The following CHST11 variants were observed in gnomAD, a reference collection of about 807,000 sequenced individuals.
CHST11 encodes C4S-1.
In CHST11, 9 loss-of-function variants were observed where a neutral mutation model predicts 30.4. That is an observed-to-expected ratio of 0.30 (90% CI 0.18 to 0.52). The LOEUF (loss-of-function observed/expected upper bound fraction) is 0.52. Among genes scored for constraint, CHST11 ranks in the 20% least tolerant of loss-of-function variants. The pLI, the probability that CHST11 is intolerant of heterozygous loss-of-function variation, is 0.97. For missense variants in CHST11, 348 were observed against 460.6 expected (o/e 0.76, Z 2.24); for synonymous variants, 152 against 187.8 (o/e 0.81, Z 1.56).
intron 2 of CHST11, among the ~76,000 whole-genome samples, chr12:104,726,166 C>T (rs373642321): frequency 2.0e-5 from 3 of 152,194 alleles, no homozygotes; most frequent in African/African-American, 4.8e-5. Context: ...CTAAGTGTCT[C>T]ATCTAGAATC....
At chr12:104,504,008 A>G (rs2037877906) in intron 1 of CHST11, among the ~76,000 whole-genome samples, 1 of 152,232 alleles carries the variant, frequency 6.6e-6, no homozygotes, top group Admixed American at 6.5e-5. Flanking sequence ...AAAATGCCTC[A>G]AAAGTTGGAC....
chr12:104,520,328 G>A (rs747999631), intron 1 of CHST11, among the ~76,000 whole-genome samples: 13 of 152,134 alleles, frequency 8.5e-5, no homozygotes, highest in Non-Finnish European at 1.8e-4. Flanking sequence ...AAGCCTAAAG[G>A]AATGGACATG....
rs572729941 is a variant in CHST11 at position 104,657,287 on chromosome 12, C to T, written c.204+55296C>T. 2.0e-5 allele frequency among the ~76,000 whole-genome samples: 3 copies of T among 152,368 alleles called. No individual in the cohort carries two copies. The South Asian group carries it at 6.2e-4, about 32-fold the overall frequency. Reference sequence around the variant, plus strand: ...CTTAAAGGTTTTCACATCCTTCACCCTAAATGACCACTTACGCACATTTTA... The same window carrying T: ...CTTAAAGGTTTTCACATCCTTCACCTTAAATGACCACTTACGCACATTTTA... On this transcript the variant is annotated intron_variant, in intron 2 of 2. Transcript: ENST00000303694.
At chr12:104,557,358 G>A (rs371971192) in intron 1 of CHST11, among the ~76,000 whole-genome samples, 155 of 152,298 alleles carry the variant, frequency 1.0e-3, no homozygotes, top group African/African-American at 3.4e-3. Context: ...GTCATGAGGG[G>A]CTTATAGGCC....
chr12:104,474,710 T>C (rs2037541370), intron 1 of CHST11, among the ~76,000 whole-genome samples: 1 of 152,198 alleles, frequency 6.6e-6, no homozygotes, highest in African/African-American at 2.4e-5. Flanking sequence ...GTTCGATCTG[T>C]TATAAAACTC....
At chr12:104,713,965 C>T (rs1184488216) in intron 2 of CHST11, among the ~76,000 whole-genome samples, 1 of 152,194 alleles carries the variant, frequency 6.6e-6, no homozygotes, top group Non-Finnish European at 1.5e-5. Context: ...GTTCTCCAAC[C>T]TGGAAGCAGC....
In CHST11 at chr12:104,504,508, A is replaced by C. The variant is rs550668769; in HGVS notation, c.118+46979A>C. ...TCTGAGGACTCTCTCGGGTCTGGTG[A>C]CTTCAAAGTAAGCTGTAAGTGACAC... On this transcript the variant is annotated intron_variant, in intron 1 of 2. Transcript: ENST00000303694. Among the ~76,000 whole-genome samples the C allele has an allele frequency of 5.3e-5, 8 of 152,248 alleles. 1 individual carries two copies. The highest frequency in any genetic ancestry group is 4.6e-4 in the Admixed American group (7 of 15,294).
intron 2 of CHST11, among the ~76,000 whole-genome samples, chr12:104,615,797 G>A (rs1049148230): frequency 6.6e-6 from 1 of 152,108 alleles, no homozygotes; most frequent in Non-Finnish European, 1.5e-5. Context: ...GCGTGGTGGC[G>A]GGCACCTGCA....
chr12:104,493,708 C>CA (rs1323615546), intron 1 of CHST11, among the ~76,000 whole-genome samples: 2 of 152,228 alleles, frequency 1.3e-5, no homozygotes, highest in African/African-American at 4.8e-5. Context: ...CACGGAAAGA[C>CA]AAGAGAGACT....
rs77086354 is a variant in CHST11 at position 104,686,148 on chromosome 12, G to A, written c.205-70801G>A. Reference sequence around the variant, plus strand: ...CTCAGAAGCCTGAGGCAGGAGAATCGCTGGAGCCCGAGTTTGGAGGCTATA... The same window carrying A: ...CTCAGAAGCCTGAGGCAGGAGAATCACTGGAGCCCGAGTTTGGAGGCTATA... On this transcript the variant is annotated intron_variant, in intron 2 of 2. Coordinates refer to ENST00000303694, the MANE Select transcript of CHST11 (RefSeq NM_018413.6). 2.8e-4 allele frequency among the ~76,000 whole-genome samples: 42 copies of A among 148,550 alleles called. No homozygotes were observed. In the East Asian group the frequency reaches 8.3e-3, roughly 29 times the overall value.
At chr12:104,596,940 A>T (rs1447829203) in intron 1 of CHST11, among the ~76,000 whole-genome samples, 2 of 152,138 alleles carry the variant, frequency 1.3e-5, no homozygotes, top group African/African-American at 4.8e-5. Flanking sequence ...TGGTTTTAGG[A>T]CATGCGTGAG....
At chr12:104,608,327 C>T (rs1340242563) in intron 2 of CHST11, among the ~76,000 whole-genome samples, 1 of 152,104 alleles carries the variant, frequency 6.6e-6, no homozygotes, top group Admixed American at 6.5e-5. Context: ...CTTCACATTC[C>T]AGGACACATA....
chr12:104,655,026 A>C (rs554007473), intron 2 of CHST11, among the ~76,000 whole-genome samples: 28 of 152,256 alleles, frequency 1.8e-4, no homozygotes, highest in Non-Finnish European at 2.9e-4. Context: ...GGCTGTTTGC[A>C]TGTGTGTCTT....
chr12:104,459,709 A>G (rs1326376271), intron 1 of CHST11, among the ~76,000 whole-genome samples: 1 of 152,224 alleles, frequency 6.6e-6, no homozygotes, highest in Non-Finnish European at 1.5e-5. Context: ...TGGAAGAGGC[A>G]GAGAACCTTT....
intron 2 of CHST11, among the ~76,000 whole-genome samples, chr12:104,755,912 C>A (rs74634454): frequency 7.6e-4 from 9 of 11,912 alleles, no homozygotes; most frequent in African/African-American, 4.3e-3. Context: ...TTTCTCGGGA[C>A]CCCCCCCTCC....
chr12:104,460,940 C>T (rs527789768), intron 1 of CHST11, among the ~76,000 whole-genome samples: 19 of 152,230 alleles, frequency 1.2e-4, no homozygotes, highest in East Asian at 5.8e-4. Flanking sequence ...ATTTTAATCC[C>T]GATGTTTTTT....
chr12:104,482,794 A>G (rs2037639416), intron 1 of CHST11, among the ~76,000 whole-genome samples: 1 of 151,932 alleles, frequency 6.6e-6, no homozygotes, highest in African/African-American at 2.4e-5. Context: ...CTCGGTCCCA[A>G]CTCACTCCAG....
chr12:104,709,698 A>G lies in CHST11; in HGVS notation c.205-47251A>G, dbSNP rs573007167. On this transcript the variant is annotated intron_variant, in intron 2 of 2. Transcript: ENST00000303694. ...GCACCCTGCGGTCCATTTCTATGAA[A>G]TGTCCAGAATAGGCAAATCCGTGGA... Among the ~76,000 whole-genome samples, 3 of 152,294 alleles carry G rather than the reference A, an allele frequency of 2.0e-5. No homozygotes were observed. The East Asian group carries it at 5.8e-4, about 29-fold the overall frequency.
At chr12:104,636,249 C>T (rs117402627) in intron 2 of CHST11, among the ~76,000 whole-genome samples, 42 of 152,300 alleles carry the variant, frequency 2.8e-4, no homozygotes, top group Non-Finnish European at 4.0e-4. Context: ...CTTTGTTCAA[C>T]GCTACCACCC....
Sources: gnomAD v4.1 joint callset for allele counts (sites outside exome capture counted in the v4.1 genomes callset) on GRCh38, gnomAD v4.1.1 for gene constraint, MANE v1.5 for transcripts, NCBI Gene and HGNC (gene_info 2026-07-23, HGNC 2026-07-21) for gene names.